AFTPH: variants seen among roughly 807,000 people sequenced by gnomAD.
AFTPH encodes aftiphilin protein.
A neutral mutation model predicts 72.5 loss-of-function variants in AFTPH; 7 were observed. The ratio of observed to expected loss-of-function variants is 0.10; its 90% CI spans 0.05 to 0.18. AFTPH has a LOEUF of 0.18. Among genes scored for constraint, AFTPH ranks in the 10% least tolerant of loss-of-function variants. The probability of loss-of-function intolerance (pLI) is 1.00; values close to 1 mark genes in which losing one functional copy is unlikely to be tolerated. For missense variants in AFTPH, 979 were observed against 1,060.5 expected (o/e 0.92, Z 1.07); for synonymous variants, 337 against 370.1 (o/e 0.91, Z 1.03).
intron 7 of AFTPH, among the ~76,000 whole-genome samples, chr2:64,584,223 T>G (rs566838626): frequency 3.9e-5 from 6 of 152,116 alleles, no homozygotes; most frequent in Non-Finnish European, 8.8e-5. Flanking sequence ...AAGTGTAACT[T>G]AAGTTTAAAA....
chr2:64,559,814 C>T (rs1308750614), intron 2 of AFTPH, among the ~76,000 whole-genome samples: 1 of 152,166 alleles, frequency 6.6e-6, no homozygotes, highest in South Asian at 2.1e-4. Context: ...AAGCAGTCCT[C>T]CCACCTCAGC....
rs1673032493 is a variant in AFTPH, at chr2:64,579,414, T to C, written c.2395-72T>C. 4 of 1,256,330 alleles carry C rather than the reference T, an allele frequency of 3.2e-6. No homozygotes were observed. In the South Asian group the frequency reaches 5.4e-5, roughly 17 times the overall value. 77.8% of individuals were successfully genotyped at this position (1,256,330 alleles called of 1,614,324 possible). On this transcript the variant is annotated intron_variant, in intron 6 of 8. Coordinates refer to ENST00000238856, the Ensembl canonical transcript of AFTPH. ...TTGCCTAATGGTCTTGCTATAATTTTTTTTTTTAAGGATTCTTTACGTTGC... is the reference window on the plus strand; with the variant it reads ...TTGCCTAATGGTCTTGCTATAATTTCTTTTTTTAAGGATTCTTTACGTTGC...
At chr2:64,524,368 C>T (rs1354332736) in exon 1 of AFTPH, 2 of 402,514 alleles carry the variant, frequency 5.0e-6, no homozygotes, top group Non-Finnish European at 4.4e-6. Flanking sequence ...CGGGGGGTCT[C>T]CGCGGAGGAG....
chr2:64,548,407 GAAAAAAA>G (rs57995634), intron 1 of AFTPH, among the ~76,000 whole-genome samples: 30 of 59,990 alleles, frequency 5.0e-4, no homozygotes, highest in African/African-American at 9.7e-4. Context: ...CTCAAAAAAA[GAAAAAAA>G]AAAAAAAAAA....
exon 2 of AFTPH, chr2:64,553,365 G>A (rs1424755908): frequency 6.2e-7 from 1 of 1,603,470 alleles, no homozygotes. Context: ...TTCCAAAGGA[G>A]CAGTTGCTAG....
chr2:64,563,454 C>G (rs1671858873), intron 2 of AFTPH, among the ~76,000 whole-genome samples: 1 of 152,048 alleles, frequency 6.6e-6, no homozygotes, highest in Non-Finnish European at 1.5e-5. Flanking sequence ...TGTCTGATCA[C>G]AATCTGTTTG....
At chr2:64,556,257 G>C (rs921699239) in intron 2 of AFTPH, among the ~76,000 whole-genome samples, 17 of 152,062 alleles carry the variant, frequency 1.1e-4, no homozygotes, top group African/African-American at 2.4e-5. Context: ...CAAAGTGCTG[G>C]GATTACAGGC....
intron 2 of AFTPH, among the ~76,000 whole-genome samples, chr2:64,563,987 G>A (rs990474986): frequency 5.3e-5 from 8 of 152,100 alleles, no homozygotes; most frequent in African/African-American, 1.7e-4. Context: ...AAGTCATAAT[G>A]CCTGTAAGCC....
chr2:64,551,597 T>G, exon 2 of AFTPH: 1 of 1,614,044 alleles, frequency 6.2e-7, no homozygotes, highest in Non-Finnish European at 8.5e-7. Flanking sequence ...GCCCTTCTGG[T>G]GTAGGGTTTG....
intron 1 of AFTPH, among the ~76,000 whole-genome samples, chr2:64,549,822 A>G (rs1005046654): frequency 1.3e-5 from 2 of 152,188 alleles, no homozygotes; most frequent in Admixed American, 6.5e-5. Context: ...TACATCATAC[A>G]CCAAAATAAG....
At chr2:64,551,373 G>A in intron 1 of AFTPH, 70 bp from the exon 2 acceptor site, 1 of 1,244,788 alleles carries the variant, frequency 8.0e-7, no homozygotes, top group Non-Finnish European at 1.1e-6. Flanking sequence ...AAGTAGCTTT[G>A]AGAGAATTTT....
chr2:64,586,496 C>T (rs1331781046), intron 8 of AFTPH, among the ~76,000 whole-genome samples: 1 of 151,998 alleles, frequency 6.6e-6, no homozygotes, highest in Admixed American at 6.6e-5. Context: ...ATAAATGTTT[C>T]TCTCTCTTAA....
rs558485030 is a variant in AFTPH at position 64,536,214 on chromosome 2, G to GT, written c.-33+11605dup. 9.9e-5 allele frequency among the ~76,000 whole-genome samples: 15 copies of GT among 152,260 alleles called. No individual in the cohort carries two copies. In the East Asian group the frequency reaches 2.9e-3, roughly 29 times the overall value. On this transcript the variant is annotated intron_variant, in intron 1 of 8. Coordinates refer to ENST00000238856, the Ensembl canonical transcript of AFTPH. ...TCAGGAGGTCAGACATATAGGTAAG[G>GT]TTTGAGCATTATGAACAGATAAAAA... is the stretch of plus-strand genomic sequence containing the variant.
At chr2:64,586,831 T>C (rs1437696060) in intron 8 of AFTPH, among the ~76,000 whole-genome samples, 1 of 152,180 alleles carries the variant, frequency 6.6e-6, no homozygotes, top group Non-Finnish European at 1.5e-5. Context: ...AAATCGAAAC[T>C]CCTCTCATAG....
exon 9 of AFTPH, chr2:64,592,133 AAAT>A: frequency 1.5e-6 from 2 of 1,292,332 alleles, no homozygotes; most frequent in Non-Finnish European, 2.1e-6. Flanking sequence ...AAAAAAAAAA[AAAT>A]TCAAGTTCAG....
intron 6 of AFTPH, among the ~76,000 whole-genome samples, chr2:64,573,538 A>AT (rs1315510025): frequency 6.6e-6 from 1 of 152,188 alleles, no homozygotes; most frequent in Non-Finnish European, 1.5e-5. Flanking sequence ...AAATTTTATA[A>AT]AGCAGTAAAG....
At chr2:64,530,923 G>T (rs924270653) in intron 1 of AFTPH, among the ~76,000 whole-genome samples, 4 of 151,830 alleles carry the variant, frequency 2.6e-5, no homozygotes, top group African/African-American at 7.3e-5. Context: ...TTAGCCAGGC[G>T]TGGTGTCAGG....
At chr2:64,567,497 A>G (rs1013791934) in intron 2 of AFTPH, 65 bp from the exon 3 acceptor site, 1 of 1,523,218 alleles carries the variant, frequency 6.6e-7, no homozygotes, top group Non-Finnish European at 8.8e-7. Context: ...TTGCATTTTA[A>G]TGCTATAACT....
intron 2 of AFTPH, among the ~76,000 whole-genome samples, chr2:64,556,014 A>G (rs1402118986): frequency 1.6e-5 from 2 of 126,596 alleles, no homozygotes; most frequent in Non-Finnish European, 3.0e-5. Flanking sequence ...TGGAGACAGA[A>G]TCTTGCTCTG....
Sources: gnomAD v4.1 joint callset for allele counts (sites outside exome capture counted in the v4.1 genomes callset) on GRCh38, gnomAD v4.1.1 for gene constraint, MANE v1.5 for transcripts, NCBI Gene and HGNC (gene_info 2026-07-23, HGNC 2026-07-21) for gene names.